Variants in SLC39A11 observed in about 807,000 individuals in gnomAD.
SLC39A11 encodes zinc transporter ZIP11.
A neutral mutation model predicts 36.1 loss-of-function variants in SLC39A11; 33 were observed. The ratio of observed to expected loss-of-function variants is 0.91; its 90% CI spans 0.69 to 1.22. The LOEUF is 1.22. SLC39A11 is among the 50% of genes most tolerant of loss of function. The pLI is 0.00. For synonymous variants in SLC39A11, 166 were observed against 170.3 expected, an observed-to-expected ratio of 0.97 and a Z score of 0.20; for missense variants, 432 against 430.3, an observed-to-expected ratio of 1.00 and a Z score of -0.03.
chr17:72,751,928 G>T (rs2075170903), intron 6 of SLC39A11, among the ~76,000 whole-genome samples: 1 of 151,936 alleles, frequency 6.6e-6, no homozygotes, highest in South Asian at 2.1e-4. Flanking sequence ...ACTGAACCCA[G>T]ATCCCCATTC....
intron 7 of SLC39A11, among the ~76,000 whole-genome samples, chr17:72,719,474 C>A (rs2073558479): frequency 6.6e-6 from 1 of 152,164 alleles, no homozygotes; most frequent in Non-Finnish European, 1.5e-5. Flanking sequence ...GAAGACCCTG[C>A]CCCCCAGAAC....
chr17:72,827,892 T>C lies in SLC39A11; in HGVS notation c.601+21742A>G, dbSNP rs142496613. Reference sequence around the variant, plus strand: ...ACTGTGGGACAGGTGCCCAAGTCCATAGAAGAGAGAACTGTAATAAAGCAA... The same window carrying C: ...ACTGTGGGACAGGTGCCCAAGTCCACAGAAGAGAGAACTGTAATAAAGCAA... On this transcript the variant is annotated intron_variant, in intron 6 of 9. Transcript: ENST00000255559. Among the ~76,000 whole-genome samples, 568 of 152,294 alleles carry C rather than the reference T, an allele frequency of 3.7e-3. 2 individuals carry two copies. The highest frequency in any genetic ancestry group is 0.013 in the African/African-American group (542 of 41,572).
chr17:72,816,045 C>T (rs967034987), intron 6 of SLC39A11, among the ~76,000 whole-genome samples: 2 of 152,226 alleles, frequency 1.3e-5, no homozygotes, highest in Non-Finnish European at 2.9e-5. Context: ...TGCAGCCAAT[C>T]CCTTATCCTA....
rs78251052 is a variant in SLC39A11, at chr17:72,899,062, C to T, written c.430+48690G>A. 4.2e-3 allele frequency among the ~76,000 whole-genome samples: 643 copies of T among 152,312 alleles called. 2 individuals are homozygous for T. Among genetic ancestry groups the T allele is most frequent in the Non-Finnish European group, 6.4e-3 (438 of 68,032 alleles). ...TCTCCTAAGCTTTATGCAGGAACTC[C>T]GCTGGCTCTTAATAAACCCAAATAG... On this transcript the variant is annotated intron_variant, in intron 5 of 9. Coordinates refer to ENST00000255559, the MANE Select transcript of SLC39A11 (RefSeq NM_139177.4).
intron 4 of SLC39A11, among the ~76,000 whole-genome samples, chr17:73,015,740 G>A (rs558968308): frequency 3.9e-5 from 6 of 152,086 alleles, no homozygotes; most frequent in African/African-American, 9.6e-5. Flanking sequence ...GCACCACCAC[G>A]CCCAGCTAAT....
chr17:72,842,211 TCAGAGTGATAATTATGGTAA>T (rs879410476), intron 6 of SLC39A11, among the ~76,000 whole-genome samples: 5 of 151,842 alleles, frequency 3.3e-5, no homozygotes, highest in Non-Finnish European at 7.4e-5. Context: ...TAATTGTAAG[TCAGAGTGATAATTATGGTAA>T]CAGAAGATAA....
At chr17:72,864,215 G>A (rs1177105073) in intron 5 of SLC39A11, among the ~76,000 whole-genome samples, 1 of 152,054 alleles carries the variant, frequency 6.6e-6, no homozygotes, top group African/African-American at 2.4e-5. Flanking sequence ...CCTTGCCTAT[G>A]CATATATGGA....
chr17:72,920,880 A>C (rs989448708), intron 5 of SLC39A11, among the ~76,000 whole-genome samples: 2 of 151,830 alleles, frequency 1.3e-5, no homozygotes, highest in African/African-American at 2.4e-5. Flanking sequence ...TACACCCCAT[A>C]CACACATGCA....
At chr17:73,011,460 C>T (rs569123677) in intron 4 of SLC39A11, among the ~76,000 whole-genome samples, 117 of 152,140 alleles carry the variant, frequency 7.7e-4, no homozygotes, top group African/African-American at 2.7e-3. Flanking sequence ...TCACAACCTG[C>T]GTGGGATACT....
rs957340041 is a variant in SLC39A11, at chr17:73,056,857, C to T, written c.148-25143G>A. 3.3e-5 allele frequency among the ~76,000 whole-genome samples: 5 copies of T among 152,306 alleles called. No individual in the cohort carries two copies. The East Asian group carries it at 9.6e-4, about 29-fold the overall frequency. On this transcript the variant is annotated intron_variant, in intron 3 of 9. Coordinates refer to ENST00000255559, the MANE Select transcript of SLC39A11 (RefSeq NM_139177.4). ...GAAAGAGAGAACTTTACCAAGAAGA[C>T]TTACAGTGGCCACAGTGGGGAAGCT...
At chr17:73,090,529 G>A (rs892869090) in intron 1 of SLC39A11, among the ~76,000 whole-genome samples, 3 of 152,162 alleles carry the variant, frequency 2.0e-5, no homozygotes, top group African/African-American at 7.2e-5. Flanking sequence ...CATCTATTCC[G>A]AGTTGCTGTG....
At position 72,729,405 on chromosome 17, in the gene SLC39A11, T is replaced by A. The variant is rs952082986; in HGVS notation, c.671+7245A>T. 3.8e-3 allele frequency among the ~76,000 whole-genome samples: 111 copies of A among 29,224 alleles called. 1 individual carries two copies. Among genetic ancestry groups the A allele is most frequent in the Middle Eastern group, 0.024 (1 of 42 alleles). The allele number at this position is 29,224 out of a possible 152,430, so 19.2% of individuals were successfully genotyped here. ...GGTGCATGCCACCCCACCTGGCTAT[T>A]TATATATATATATATATATATATAT... On this transcript the variant is annotated intron_variant, in intron 7 of 9. Coordinates refer to ENST00000255559, the MANE Select transcript of SLC39A11 (RefSeq NM_139177.4).
intron 3 of SLC39A11, among the ~76,000 whole-genome samples, chr17:73,081,666 C>CATAT (rs1568242856): frequency 3.8e-5 from 3 of 78,484 alleles, no homozygotes; most frequent in Non-Finnish European, 7.5e-5. Flanking sequence ...CACACACACA[C>CATAT]ACACATATAT....
chr17:72,808,818 G>A (rs1342893651), intron 6 of SLC39A11, among the ~76,000 whole-genome samples: 1 of 151,806 alleles, frequency 6.6e-6, no homozygotes, highest in Non-Finnish European at 1.5e-5. Flanking sequence ...CTCAGCACAT[G>A]AGGACTCTTC....
intron 3 of SLC39A11, among the ~76,000 whole-genome samples, chr17:73,064,370 C>T (rs536349036): frequency 2.0e-5 from 3 of 152,186 alleles, no homozygotes; most frequent in South Asian, 2.1e-4. Context: ...TTCTTTTCTC[C>T]GGAGGGCACA....
At chr17:72,968,116 G>C (rs967749393) in intron 4 of SLC39A11, among the ~76,000 whole-genome samples, 27 of 152,190 alleles carry the variant, frequency 1.8e-4, no homozygotes, top group African/African-American at 6.3e-4. Context: ...GGCCTGGAAA[G>C]CAATGTTTGT....
At chr17:72,850,182 C>T (rs2079240083) in intron 5 of SLC39A11, among the ~76,000 whole-genome samples, 1 of 152,220 alleles carries the variant, frequency 6.6e-6, no homozygotes, top group Admixed American at 6.5e-5. Flanking sequence ...AGCATGGTCA[C>T]TCACGCCTGA....
At chr17:72,843,749 T>TC (rs2078923745) in intron 6 of SLC39A11, among the ~76,000 whole-genome samples, 1 of 152,180 alleles carries the variant, frequency 6.6e-6, no homozygotes, top group Admixed American at 6.5e-5. Flanking sequence ...TACAACATCC[T>TC]CTTGTGAGAT....
intron 7 of SLC39A11, among the ~76,000 whole-genome samples, chr17:72,674,278 A>C (rs895170617): frequency 2.6e-5 from 4 of 152,108 alleles, no homozygotes; most frequent in African/African-American, 7.2e-5. Context: ...TCCTTTTTAC[A>C]TCAGTGACAG....
Sources: gnomAD v4.1 joint callset for allele counts (sites outside exome capture counted in the v4.1 genomes callset) on GRCh38, gnomAD v4.1.1 for gene constraint, MANE v1.5 for transcripts, NCBI Gene and HGNC (gene_info 2026-07-23, HGNC 2026-07-21) for gene names.